The following NID1 variants were observed in gnomAD, a reference collection of about 807,000 sequenced individuals.
NID1 encodes nidogen 1.
Under a neutral mutation model 130.6 loss-of-function variants are expected in NID1, and 76 were observed. The ratio of observed to expected loss-of-function variants is 0.58; its 90% confidence interval spans 0.48 to 0.70. The LOEUF is 0.70. Ranked by LOEUF, NID1 falls within the 30% of genes least tolerant of loss-of-function variation. The probability of loss-of-function intolerance (pLI) is 0.00; values close to 1 mark genes in which losing one functional copy is unlikely to be tolerated. For missense variants in NID1, 1,517 were observed against 1,664.8 expected (o/e 0.91, Z 1.54); for synonymous variants, 665 against 675.1 (o/e 0.98, Z 0.23).
At chr1:236,053,141 T>A (rs1659808613) in intron 1 of NID1, among the ~76,000 whole-genome samples, 1 of 152,248 alleles carries the variant, frequency 6.6e-6, no homozygotes, top group Admixed American at 6.5e-5. Context: ...ATTCACTGAT[T>A]CATCAAAAAT....
chr1:236,034,860 T>C (rs779546367), intron 5 of NID1, among the ~76,000 whole-genome samples: 21 of 152,168 alleles, frequency 1.4e-4, no homozygotes, highest in Non-Finnish European at 2.6e-4. Context: ...ATATTTGATG[T>C]GGTATTACTT....
chr1:236,059,402 T>A (rs1422113153), intron 1 of NID1, among the ~76,000 whole-genome samples: 1 of 152,240 alleles, frequency 6.6e-6, no homozygotes, highest in African/African-American at 2.4e-5. Flanking sequence ...AGCCCACAAG[T>A]GGACCTGGAG....
At position 235,993,521 on chromosome 1, in the gene NID1, G is replaced by GGAGGA; in HGVS notation, c.2755+123_2755+124insTCCTC. On this transcript the variant is annotated intron_variant, in intron 13 of 19. Coordinates refer to ENST00000264187, the MANE Select transcript of NID1 (RefSeq NM_002508.3). ...AGAAGGGTGCAGCAGGAGCGGGTGG[G>GGAGGA]GCTGGAGCCAGTGGAACAGTTCAAG... 1.4e-4 allele frequency: 127 copies of GGAGGA among 897,140 alleles called. No homozygotes were observed. The African/African-American group carries it at 1.6e-3, about 11-fold the overall frequency. 55.6% of individuals were successfully genotyped at this position (897,140 alleles called of 1,614,324 possible).
intron 12 of NID1, among the ~76,000 whole-genome samples, chr1:236,001,307 A>G (rs1184601870): frequency 2.0e-5 from 3 of 151,702 alleles, no homozygotes; most frequent in Non-Finnish European, 2.9e-5. Context: ...GGGTTTCATG[A>G]TGTTGGCCAG....
chr1:236,028,916 C>T (rs1316396320), intron 7 of NID1, among the ~76,000 whole-genome samples: 1 of 152,122 alleles, frequency 6.6e-6, no homozygotes, highest in Non-Finnish European at 1.5e-5. Context: ...GTTGCTCACA[C>T]CTGTAATCCC....
chr1:236,021,540 A>C (rs1201376369), intron 9 of NID1, among the ~76,000 whole-genome samples: 1 of 152,070 alleles, frequency 6.6e-6, no homozygotes, highest in African/African-American at 2.4e-5. Context: ...CAGCACACCA[A>C]ATCTGCCATT....
chr1:235,981,412 A>T (rs1195859369), intron 16 of NID1, among the ~76,000 whole-genome samples, 199 bp downstream of exon 16: 1 of 152,248 alleles, frequency 6.6e-6, no homozygotes, highest in Non-Finnish European at 1.5e-5. Context: ...AAAGTGGGAC[A>T]TGGTATCAAG....
chr1:236,024,898 T>A (rs1422924011), intron 8 of NID1, among the ~76,000 whole-genome samples: 2 of 151,924 alleles, frequency 1.3e-5, no homozygotes, highest in East Asian at 1.9e-4. Context: ...GCGTTTCTTT[T>A]AGGCTCCCTC....
chr1:236,041,234 AT>A (rs1413058161), intron 4 of NID1, among the ~76,000 whole-genome samples: 2 of 151,436 alleles, frequency 1.3e-5, no homozygotes, highest in African/African-American at 4.9e-5. Flanking sequence ...CGCCCAGCTA[AT>A]TTTTGTATTT....
rs756781997 is a variant in NID1, at chr1:236,064,885, G to A, written c.195C>T (p.Phe65=). The change falls in exon 1 of 20, where the codon TTC becomes TTT. Residue 65 remains phenylalanine, a synonymous_variant. Coordinates refer to ENST00000264187, the MANE Select transcript of NID1 (RefSeq NM_002508.3). ...PALELSGALR[F]YDRSDIDAVY... ...CTGCGTCGATGTCGGATCTGTCGTA[G>A]AAGCGGAGCGCCCCACTCAGCTCCA... 2.5e-5 allele frequency: 40 copies of A among 1,612,230 alleles called. No homozygotes were observed. In the South Asian group the frequency reaches 4.4e-4, roughly 18 times the overall value.
At chr1:235,989,033 T>G (rs149657855) in intron 14 of NID1, among the ~76,000 whole-genome samples, 164 of 151,610 alleles carry the variant, frequency 1.1e-3, no homozygotes, top group Middle Eastern at 3.4e-3. Flanking sequence ...GTTTCAGCAT[T>G]CCCCCTTCCA....
In NID1 at chr1:236,017,218, A is replaced by T; in HGVS notation, c.2184T>A (p.Asn728Lys). ...CGCAGCGGAAGGTTCCTGGGTGATT[A>T]TTGCAGATTGTGTGGCTCCCACACA... ...PSVCGSHTICNNHPGTFRCEC... is the reference protein window; with the variant it reads ...PSVCGSHTICKNHPGTFRCEC... The change falls in exon 10 of 20, where the codon AAT becomes AAA. Residue 728 changes from asparagine to lysine, a missense_variant. Around this residue, in one of 3 missense-constraint regions of NID1, gnomAD observed 1,329 missense variants for 1,429.2 expected, o/e 0.93. Transcript: ENST00000264187. 1 of 1,614,110 alleles carries T rather than the reference A, an allele frequency of 6.2e-7. No homozygotes were observed. The highest frequency in any genetic ancestry group is 8.5e-7 in the Non-Finnish European group (1 of 1,180,026).
At chr1:236,014,618 T>C (rs1258351497) in intron 10 of NID1, among the ~76,000 whole-genome samples, 1 of 152,100 alleles carries the variant, frequency 6.6e-6, no homozygotes, top group Non-Finnish European at 1.5e-5. Context: ...CTTAAGAGAA[T>C]CACAGTCCCA....
chr1:236,020,055 AAAACAAAAAC>A (rs1002250782), intron 9 of NID1, among the ~76,000 whole-genome samples: 2 of 137,424 alleles, frequency 1.5e-5, no homozygotes, highest in African/African-American at 2.7e-5. Context: ...AAAAAAAAAA[AAAACAAAAAC>A]AAACTTCTTT....
At chr1:236,040,820 C>T (rs1021821797) in intron 4 of NID1, among the ~76,000 whole-genome samples, 7 of 152,158 alleles carry the variant, frequency 4.6e-5, no homozygotes, top group South Asian at 4.2e-4. Context: ...CCTGCCACCA[C>T]GCCTGGCTAA....
rs145601129 is a variant in NID1, at chr1:236,002,331, C to T, written c.2528-8459G>A. Among the ~76,000 whole-genome samples, 612 of 152,224 alleles carry T rather than the reference C, an allele frequency of 4.0e-3. 1 individual carries two copies. Among genetic ancestry groups the T allele is most frequent in the Middle Eastern group, 0.014 (4 of 294 alleles). On this transcript the variant is annotated intron_variant, in intron 12 of 19. Coordinates refer to ENST00000264187, the MANE Select transcript of NID1 (RefSeq NM_002508.3). ...CAGCCTGGCTAACATGGTGAAACCC[C>T]GTATCTACTAAAAACACAAAAATTA...
intron 10 of NID1, 34 bp from the exon 11 acceptor site, chr1:236,013,594 A>C: frequency 6.2e-7 from 1 of 1,613,750 alleles, no homozygotes; most frequent in Non-Finnish European, 8.5e-7. Flanking sequence ...CAGTCTTAGG[A>C]AGAAAGTCCC....
At chr1:236,015,232 CT>C (rs1396497982) in intron 10 of NID1, among the ~76,000 whole-genome samples, 9 of 152,214 alleles carry the variant, frequency 5.9e-5, no homozygotes, top group African/African-American at 2.2e-4. Context: ...CACTCAATTA[CT>C]CAGTGACAAG....
intron 14 of NID1, among the ~76,000 whole-genome samples, chr1:235,985,749 T>A (rs1201518105): frequency 6.8e-6 from 1 of 147,412 alleles, no homozygotes; most frequent in African/African-American, 2.5e-5. Flanking sequence ...TGTGTGTGTG[T>A]GTGTGTATAT....
Sources: allele counts gnomAD v4.1 joint callset (sites outside exome capture counted in the v4.1 genomes callset), GRCh38; gene constraint gnomAD v4.1.1; regional missense constraint gnomAD v4.1.1; transcripts MANE v1.5; gene names NCBI Gene and HGNC (gene_info 2026-07-23, HGNC 2026-07-21).